Variants in ADAM23 observed in about 807,000 individuals in gnomAD.
ADAM23 encodes the protein disintegrin and metalloproteinase domain-containing protein 23.
ADAM23 carries 33 observed loss-of-function variants against 120.1 expected under a neutral mutation model. That is an observed-to-expected ratio of 0.27 (90% confidence interval 0.21 to 0.37). The LOEUF is 0.37. Among genes scored for constraint, ADAM23 ranks in the 10% least tolerant of loss-of-function variants. The pLI is 1.00. For missense variants in ADAM23, 862 were observed against 1,058.2 expected (o/e 0.81, Z 2.57); for synonymous variants, 367 against 375.2 (o/e 0.98, Z 0.25).
At chr2:206,603,327 C>G (rs1465173858) in intron 24 of ADAM23, among the ~76,000 whole-genome samples, 3 of 152,158 alleles carry the variant, frequency 2.0e-5, no homozygotes. Context: ...GCACAAGTTC[C>G]TACTTGCCAA....
intron 21 of ADAM23, among the ~76,000 whole-genome samples, chr2:206,591,962 C>T (rs1030558581): frequency 6.6e-6 from 1 of 152,008 alleles, no homozygotes; most frequent in Non-Finnish European, 1.5e-5. Context: ...TTGTGATGTG[C>T]CACTTCAATT....
chr2:206,494,546 A>G (rs1574496249), intron 3 of ADAM23, among the ~76,000 whole-genome samples: 1 of 152,280 alleles, frequency 6.6e-6, no homozygotes. Flanking sequence ...GTTTTGAAGG[A>G]TGACTAATTT....
intron 2 of ADAM23, 24 bp from the exon 3 acceptor site, chr2:206,481,208 T>G (rs749249872): frequency 1.3e-6 from 2 of 1,583,246 alleles, no homozygotes; most frequent in Non-Finnish European, 1.7e-6. Context: ...AAGTTAAGGT[T>G]CTTCTGTCTT....
intron 3 of ADAM23, among the ~76,000 whole-genome samples, chr2:206,522,043 T>C (rs1028223769): frequency 8.5e-5 from 13 of 152,186 alleles, no homozygotes; most frequent in African/African-American, 3.1e-4. Flanking sequence ...TGTTTTCTTT[T>C]TTTCATGAGT....
intron 3 of ADAM23, among the ~76,000 whole-genome samples, chr2:206,489,983 G>A (rs1042788619): frequency 4.6e-5 from 7 of 152,284 alleles, no homozygotes; most frequent in South Asian, 2.1e-4. Flanking sequence ...CTCTGCATTC[G>A]TACGTTGAAG....
chr2:206,533,986 CT>C (rs1697124878), intron 4 of ADAM23, among the ~76,000 whole-genome samples: 1 of 152,134 alleles, frequency 6.6e-6, no homozygotes, highest in African/African-American at 2.4e-5. Flanking sequence ...TTTTTTACAA[CT>C]TTAAAAAGTA....
intron 21 of ADAM23, 24 bp from the exon 22 acceptor site, chr2:206,592,593 T>C: frequency 6.2e-7 from 1 of 1,611,224 alleles, no homozygotes; most frequent in Non-Finnish European, 8.5e-7. Flanking sequence ...GTCTGGTCTG[T>C]TTGTTTTCTT....
intron 10 of ADAM23, among the ~76,000 whole-genome samples, chr2:206,559,714 ATGTAT>A (rs1285564280): frequency 6.6e-6 from 1 of 152,160 alleles, no homozygotes; most frequent in Non-Finnish European, 1.5e-5. Flanking sequence ...AGGACAGTGA[ATGTAT>A]TGCTCTGGGA....
intron 2 of ADAM23, among the ~76,000 whole-genome samples, chr2:206,454,745 C>T (rs1302666790): frequency 1.3e-5 from 2 of 152,244 alleles, no homozygotes; most frequent in Admixed American, 6.5e-5. Context: ...GGGCTACAGG[C>T]TCCATGCAAG....
Position 206,532,265 on chromosome 2 carries a change from C to T in ADAM23, c.573+1317C>T, listed in dbSNP as rs190298413. Among the ~76,000 whole-genome samples the T allele has an allele frequency of 2.8e-4, 43 of 150,964 alleles. 4 individuals carry two copies. In the East Asian group the frequency reaches 4.1e-3, roughly 14 times the overall value. The stretch of plus-strand genomic sequence containing the variant: ...CAGGGAACTTTATAGACTCAGCAAA[C>T]GAGCCACATTTGCAGGACACAGAAA... On this transcript the variant is annotated intron_variant, in intron 4 of 25. Transcript: ENST00000264377.
At chr2:206,462,795 T>G (rs1375636255) in intron 2 of ADAM23, among the ~76,000 whole-genome samples, 1 of 152,108 alleles carries the variant, frequency 6.6e-6, no homozygotes, top group Admixed American at 6.5e-5. Flanking sequence ...TTTTTTAAAG[T>G]TAAGAAGGGG....
At chr2:206,607,760 G>T (rs1048478230) in intron 24 of ADAM23, among the ~76,000 whole-genome samples, 1 of 151,996 alleles carries the variant, frequency 6.6e-6, no homozygotes, top group Non-Finnish European at 1.5e-5. Flanking sequence ...CCAAGTTTTA[G>T]CATAATTGCT....
intron 3 of ADAM23, among the ~76,000 whole-genome samples, chr2:206,508,634 C>T (rs1306340175): frequency 7.2e-6 from 1 of 138,002 alleles, no homozygotes; most frequent in Admixed American, 7.9e-5. Flanking sequence ...CCAGCCTGGA[C>T]TGAGACTGAG....
chr2:206,533,002 C>T (rs983750602), intron 4 of ADAM23, among the ~76,000 whole-genome samples: 2 of 151,932 alleles, frequency 1.3e-5, no homozygotes, highest in African/African-American at 4.8e-5. Flanking sequence ...TGTATAAATT[C>T]ATATTCCCAC....
At chr2:206,521,347 G>T (rs952616359) in intron 3 of ADAM23, among the ~76,000 whole-genome samples, 22 of 151,986 alleles carry the variant, frequency 1.4e-4, no homozygotes, top group African/African-American at 5.3e-4. Flanking sequence ...GTAGGTGGTG[G>T]TATTGTGAAT....
At chr2:206,516,253 A>G (rs1696728653) in intron 3 of ADAM23, among the ~76,000 whole-genome samples, 1 of 151,862 alleles carries the variant, frequency 6.6e-6, no homozygotes, top group African/African-American at 2.4e-5. Flanking sequence ...AAAAAGAAAG[A>G]AAAAGCCAAG....
intron 3 of ADAM23, among the ~76,000 whole-genome samples, chr2:206,507,395 A>G (rs1034901058): frequency 6.6e-6 from 1 of 151,978 alleles, no homozygotes; most frequent in African/African-American, 2.4e-5. Context: ...GGTTGTTTAT[A>G]AGTATGCAGC....
At chr2:206,484,944 A>G (rs151214043) in intron 3 of ADAM23, among the ~76,000 whole-genome samples, 48 of 152,294 alleles carry the variant, frequency 3.2e-4, no homozygotes, top group Middle Eastern at 3.4e-3. Context: ...GCCTGCCGCC[A>G]TGTAAGACAT....
intron 3 of ADAM23, among the ~76,000 whole-genome samples, chr2:206,501,856 C>G (rs1216708918): frequency 1.3e-5 from 2 of 151,936 alleles, no homozygotes; most frequent in Non-Finnish European, 2.9e-5. Context: ...AATATAAAAC[C>G]AATGTGTTAA....
Sources: allele counts gnomAD v4.1 joint callset (sites outside exome capture counted in the v4.1 genomes callset), GRCh38; gene constraint gnomAD v4.1.1; transcripts MANE v1.5; gene names NCBI Gene and HGNC (gene_info 2026-07-23, HGNC 2026-07-21).